The following ARFIP1 variants were observed in gnomAD, a reference collection of about 807,000 sequenced individuals.
The protein encoded by ARFIP1 is arfaptin-1.
ARFIP1 carries 24 observed loss-of-function variants against 42.5 expected under a neutral mutation model. That is an observed-to-expected ratio of 0.57 (90% confidence interval 0.41 to 0.80). The LOEUF is 0.80. Among genes scored for constraint, ARFIP1 ranks in the 30% least tolerant of loss-of-function variants. The pLI, the probability that ARFIP1 is intolerant of heterozygous loss-of-function variation, is 0.00. For synonymous variants in ARFIP1, 141 were observed against 153.7 expected, an observed-to-expected ratio of 0.92 and a Z score of 0.61; for missense variants, 354 against 434.0, an observed-to-expected ratio of 0.82 and a Z score of 1.64.
intron 2 of ARFIP1, among the ~76,000 whole-genome samples, chr4:152,851,809 A>G (rs1733004855): frequency 6.6e-6 from 1 of 152,218 alleles, no homozygotes; most frequent in Admixed American, 6.5e-5. Context: ...GTTTTACACT[A>G]CAGTTCAAAA....
intron 2 of ARFIP1, among the ~76,000 whole-genome samples, chr4:152,861,770 ATTATC>A (rs1203138036): frequency 5.9e-5 from 9 of 152,162 alleles, no homozygotes; most frequent in Non-Finnish European, 8.8e-5. Context: ...AGTAGTATAT[ATTATC>A]TTAGCTATAC....
At chr4:152,789,923 A>G (rs554865549) in intron 1 of ARFIP1, among the ~76,000 whole-genome samples, 1 of 152,330 alleles carries the variant, frequency 6.6e-6, no homozygotes, top group Admixed American at 6.5e-5. Flanking sequence ...CAGGCCTAGA[A>G]TCAGCCTTTT....
At position 152,881,128 on chromosome 4, in the gene ARFIP1, C is replaced by G; in HGVS notation, c.577C>G (p.Gln193Glu). Reference sequence around the variant, plus strand: ...CCAGCTTTTCCAGATGGTACATACCCAAAGGCAACTTGGAGATGCATTTGC... The same window carrying G: ...CCAGCTTTTCCAGATGGTACATACCGAAAGGCAACTTGGAGATGCATTTGC... ...STQLFQMVHTQRQLGDAFADL... is the reference protein window; with the variant it reads ...STQLFQMVHTERQLGDAFADL... The change falls in exon 6 of 9, where the codon CAA becomes GAA. Residue 193 changes from glutamine to glutamate, a missense_variant. By Grantham distance (29) the Gln-to-Glu change is conservative (BLOSUM62 2). Coordinates refer to ENST00000353617, the MANE Select transcript of ARFIP1 (RefSeq NM_001025595.3). 1 of 1,613,776 alleles carries G rather than the reference C, an allele frequency of 6.2e-7. No individual in the cohort carries two copies. Among genetic ancestry groups the G allele is most frequent in the Non-Finnish European group, 8.5e-7 (1 of 1,179,864 alleles).
chr4:152,866,749 T>G, intron 3 of ARFIP1, among the ~76,000 whole-genome samples: 1 of 147,960 alleles, frequency 6.8e-6, no homozygotes, highest in Non-Finnish European at 1.5e-5. Context: ...AAGGGGCGGC[T>G]GCCGGGCGGA....
At chr4:152,879,491 T>G (rs1465663512) in intron 5 of ARFIP1, among the ~76,000 whole-genome samples, 1 of 152,132 alleles carries the variant, frequency 6.6e-6, no homozygotes, top group East Asian at 1.9e-4. Context: ...TTATTTTAAT[T>G]TTTACCACAG....
intron 7 of ARFIP1, among the ~76,000 whole-genome samples, chr4:152,884,958 T>C (rs899226223): frequency 2.0e-5 from 3 of 152,090 alleles, no homozygotes; most frequent in African/African-American, 7.2e-5. Context: ...ACAGCCTCTG[T>C]GTGTACTTTA....
chr4:152,897,914 TTA>T (rs1737479632), intron 8 of ARFIP1, among the ~76,000 whole-genome samples: 1 of 152,160 alleles, frequency 6.6e-6, no homozygotes, highest in Non-Finnish European at 1.5e-5. Flanking sequence ...AGTAAAACCT[TTA>T]ATTAGCATTT....
At chr4:152,835,323 A>G (rs1188120734) in intron 2 of ARFIP1, among the ~76,000 whole-genome samples, 1 of 152,222 alleles carries the variant, frequency 6.6e-6, no homozygotes, top group Admixed American at 6.5e-5. Flanking sequence ...CACCTCTTGA[A>G]TGCTTTGCTG....
At chr4:152,909,988 G>A in intron 8 of ARFIP1, 76 bp from the exon 9 acceptor site, 2 of 1,506,660 alleles carry the variant, frequency 1.3e-6, no homozygotes, top group Non-Finnish European at 9.0e-7. Flanking sequence ...ATTTAATTAA[G>A]GAATGTAATA....
Position 152,831,742 on chromosome 4 carries a change from T to C in ARFIP1, c.93+2016T>C, listed in dbSNP as rs1208147687. Among the ~76,000 whole-genome samples, 5 of 152,216 alleles carry C rather than the reference T, an allele frequency of 3.3e-5. No homozygotes were observed. The East Asian group carries it at 9.6e-4, about 29-fold the overall frequency. ...ACATTATGTCTGTGAGATTCAGTCATATTGTTGCTTATAGCAGTTTTTCTA... is the reference window on the plus strand; with the variant it reads ...ACATTATGTCTGTGAGATTCAGTCACATTGTTGCTTATAGCAGTTTTTCTA... On this transcript the variant is annotated intron_variant, in intron 2 of 8. Transcript: ENST00000353617.
chr4:152,810,542 C>T (rs1729361115), intron 1 of ARFIP1, among the ~76,000 whole-genome samples: 1 of 151,874 alleles, frequency 6.6e-6, no homozygotes, highest in Admixed American at 6.6e-5. Context: ...GGCATGGTGG[C>T]TCACGCCTGT....
chr4:152,788,974 T>A (rs1730984415), intron 1 of ARFIP1, among the ~76,000 whole-genome samples: 2 of 151,870 alleles, frequency 1.3e-5, no homozygotes, highest in South Asian at 4.1e-4. Context: ...TGTCCCTCAG[T>A]TGGGACTTGT....
chr4:152,827,431 G>A (rs959589511), intron 1 of ARFIP1, among the ~76,000 whole-genome samples: 2 of 152,006 alleles, frequency 1.3e-5, no homozygotes, highest in East Asian at 1.9e-4. Flanking sequence ...CCCCAAGTTC[G>A]TACTTTACCT....
chr4:152,903,142 T>C (rs1312292990), intron 8 of ARFIP1, among the ~76,000 whole-genome samples: 1 of 152,210 alleles, frequency 6.6e-6, no homozygotes, highest in African/African-American at 2.4e-5. Flanking sequence ...TTGAGGACAT[T>C]ATACACATGC....
In ARFIP1 at chr4:152,793,373, G is replaced by A. The variant is rs535914383; in HGVS notation, c.-10+13147G>A. Among the ~76,000 whole-genome samples the A allele has an allele frequency of 3.4e-5, 5 of 148,714 alleles. No individual in the cohort carries two copies. In the South Asian group the frequency reaches 1.1e-3, roughly 31 times the overall value. ...TATATAATATTTAGTACCTATCTCT[G>A]TAATTCTCAGAAATTTGATTTATGT... On this transcript the variant is annotated intron_variant, in intron 1 of 8. Transcript: ENST00000353617.
chr4:152,822,296 T>TAAAAAAAAAAAAAAAAAAAAAAAGAAA (rs1730447161), intron 1 of ARFIP1, among the ~76,000 whole-genome samples: 2 of 65,580 alleles, frequency 3.0e-5, no homozygotes, highest in African/African-American at 5.1e-5. Flanking sequence ...GCAACAGCAG[T>TAAAAAAAAAAAAAAAAAAAAAAAGAAA]AAAAAAAAAA....
intron 2 of ARFIP1, among the ~76,000 whole-genome samples, chr4:152,859,982 A>C (rs910349833): frequency 6.6e-6 from 1 of 151,962 alleles, no homozygotes; most frequent in Non-Finnish European, 1.5e-5. Context: ...TCACTCAAAA[A>C]ATAAAAATCA....
At chr4:152,891,012 A>G in intron 8 of ARFIP1, among the ~76,000 whole-genome samples, 1 of 152,176 alleles carries the variant, frequency 6.6e-6, no homozygotes, top group East Asian at 1.9e-4. Flanking sequence ...TGAAGGTACC[A>G]GTGTCTGGTG....
chr4:152,888,260 A>C lies in ARFIP1; in HGVS notation c.919A>C (p.Met307Leu). The C allele has an allele frequency of 1.9e-6, 3 of 1,609,498 alleles. No individual in the cohort carries two copies. Among genetic ancestry groups the C allele is most frequent in the Non-Finnish European group, 2.5e-6 (3 of 1,178,040 alleles). Residue 307 changes from methionine (M) to leucine (L), a missense_variant, in exon 8 of 9, where the codon ATG (methionine) becomes CTG (leucine). Met to Leu is a conservative substitution (Grantham distance 15). Transcript: ENST00000353617. The stretch of plus-strand genomic sequence containing the variant: ...AGCACATAAGGAAAAATATGATAAA[A>C]TGCGCAATGATGTTTCTGTCAAATT... ...FQAHKEKYDK[M>L]RNDVSVKLKF...
Sources: allele counts gnomAD v4.1 joint callset (sites outside exome capture counted in the v4.1 genomes callset), GRCh38; gene constraint gnomAD v4.1.1; transcripts MANE v1.5; gene names NCBI Gene and HGNC (gene_info 2026-07-23, HGNC 2026-07-21).